The following TMEM184C variants were observed in gnomAD, a reference collection of about 807,000 sequenced individuals.
The protein encoded by TMEM184C is transmembrane protein 34.
In TMEM184C, 25 loss-of-function variants were observed where a neutral mutation model predicts 54.5. The observed-to-expected ratio is 0.46, with a 90% confidence interval of 0.33 to 0.64. The LOEUF (loss-of-function observed/expected upper bound fraction) is 0.64, where lower values mean the gene tolerates loss of function less well. TMEM184C is among the 30% of genes least tolerant of loss of function. The pLI is 0.02. For synonymous variants in TMEM184C, 148 were observed against 181.5 expected, an observed-to-expected ratio of 0.82 and a Z score of 1.49; for missense variants, 335 against 520.3, an observed-to-expected ratio of 0.64 and a Z score of 3.46.
In TMEM184C at chr4:147,634,547, G is replaced by A. The variant is rs1044434852; in HGVS notation, c.*113G>A. ...GATGGAAAATGTCAACACAAAAATA[G>A]CTGAAAGCCAGGTACAACTACTGCA... On this transcript the variant is annotated 3_prime_UTR_variant, in exon 10 of 10. Transcript: ENST00000296582. 45 of 1,265,500 alleles carry A rather than the reference G, an allele frequency of 3.6e-5. No homozygotes were observed. The highest frequency in any genetic ancestry group is 4.8e-5 in the Non-Finnish European group (44 of 921,880). 78.4% of individuals were successfully genotyped at this position (1,265,500 alleles called of 1,614,324 possible).
Position 147,635,761 on chromosome 4 carries a change from T to C in TMEM184C, c.*1327T>C, listed in dbSNP as rs1424091725. On this transcript the variant is annotated 3_prime_UTR_variant, in exon 10 of 10. Coordinates refer to ENST00000296582, the MANE Select transcript of TMEM184C (RefSeq NM_018241.3). Reference sequence around the variant, plus strand: ...CAAAGATACACACACAAAAAAAATCTGTTTGTTAGAACTCAAGTGAATTCA... The same window carrying C: ...CAAAGATACACACACAAAAAAAATCCGTTTGTTAGAACTCAAGTGAATTCA... 1 of 152,060 alleles carries C rather than the reference T, an allele frequency of 6.6e-6. No homozygotes were observed. The highest frequency in any genetic ancestry group is 1.9e-4 in the East Asian group (1 of 5,194). 9.4% of individuals were successfully genotyped at this position (152,060 alleles called of 1,614,324 possible). A position where few individuals can be genotyped will look rare whatever the true frequency, so the allele number is the denominator to read the frequency against.
chr4:147,627,173 A>C (rs1578859688), intron 4 of TMEM184C, among the ~76,000 whole-genome samples: 1 of 152,244 alleles, frequency 6.6e-6, no homozygotes, highest in South Asian at 2.1e-4. Context: ...GATGAAGCCA[A>C]GTTGAAAAGA....
chr4:147,629,763 TTTC>T (rs1463530591), intron 6 of TMEM184C, 71 bp downstream of exon 6: 9 of 1,075,480 alleles, frequency 8.4e-6, no homozygotes, highest in Admixed American at 2.9e-5. Flanking sequence ...TTAGACAAAG[TTTC>T]TTCTTAGGAT....
At chr4:147,625,197 T>G (rs1732790750) in intron 4 of TMEM184C, among the ~76,000 whole-genome samples, 188 bp downstream of exon 4, 1 of 152,246 alleles carries the variant, frequency 6.6e-6, no homozygotes, top group Admixed American at 6.5e-5. Flanking sequence ...CCCACATATA[T>G]GTTAGTCTTT....
Position 147,634,236 on chromosome 4 carries a change from A to C in TMEM184C, c.1119A>C (p.Thr373=). ...FPEDQDQNEH[T]SLLSSSSQDA... is the part of the protein sequence containing the mutation. ...AGGATCAAGATCAAAATGAACATACAAGTTTATTATCATCATCATCACAAG... is the reference window on the plus strand; with the variant it reads ...AGGATCAAGATCAAAATGAACATACCAGTTTATTATCATCATCATCACAAG... The change falls in exon 10 of 10, where the codon ACA becomes ACC. Residue 373 remains threonine (T), a synonymous_variant. Coordinates refer to ENST00000296582, the MANE Select transcript of TMEM184C (RefSeq NM_018241.3). 1 of 1,614,134 alleles carries C rather than the reference A, an allele frequency of 6.2e-7. No individual in the cohort carries two copies. The highest frequency in any genetic ancestry group is 8.5e-7 in the Non-Finnish European group (1 of 1,180,030).
In TMEM184C at chr4:147,624,670, T is replaced by G. The variant is rs10519909; in HGVS notation, c.292-134T>G. Reference sequence around the variant, plus strand: ...ATTGATAGCCCTCATAATGATAAATTTTAGAGAGTCCCATGTAAGTATATG... The same window carrying G: ...ATTGATAGCCCTCATAATGATAAATGTTAGAGAGTCCCATGTAAGTATATG... On this transcript the variant is annotated intron_variant, in intron 3 of 9. Transcript: ENST00000296582. The G allele has an allele frequency of 6.2e-3, 4,609 of 744,436 alleles. 185 individuals carry two copies. The Admixed American group carries it at 0.063, about 10-fold the overall frequency. 46.1% of individuals were successfully genotyped at this position (744,436 alleles called of 1,614,324 possible). A position where few individuals can be genotyped will look rare whatever the true frequency, so the allele number is the denominator to read the frequency against.
intron 4 of TMEM184C, among the ~76,000 whole-genome samples, chr4:147,626,130 T>C (rs1732811754): frequency 6.6e-6 from 1 of 152,124 alleles, no homozygotes. Context: ...CAAGCACTGA[T>C]CTTAGGAGCA....
Position 147,636,468 on chromosome 4 carries a change from C to G in TMEM184C, c.*2034C>G, listed in dbSNP as rs1733051582. 6.6e-6 allele frequency: 1 copy of G among 152,068 alleles called. No individual in the cohort carries two copies. Among genetic ancestry groups the G allele is most frequent in the African/African-American group, 2.4e-5 (1 of 41,432 alleles). The allele number at this position is 152,068 out of a possible 1,614,324, so 9.4% of individuals were successfully genotyped here. A position where few individuals can be genotyped will look rare whatever the true frequency, so the allele number is the denominator to read the frequency against. On this transcript the variant is annotated 3_prime_UTR_variant, in exon 10 of 10. Transcript: ENST00000296582. ...AAATCAGACCCTTATCTTAGACCTA[C>G]ACAACAATCAATTCAAAATGGATAA...
intron 4 of TMEM184C, 50 bp from the exon 5 acceptor site, chr4:147,628,311 G>T (rs1216824277): frequency 2.1e-6 from 3 of 1,439,852 alleles, no homozygotes; most frequent in Non-Finnish European, 2.9e-6. Flanking sequence ...GGGAAAATCT[G>T]ATGCTATTTA....
rs28676674 is a variant in TMEM184C, at chr4:147,634,796, G to A, written c.*362G>A. ...GGCTGGAGTGCAGTGGCGCAATCTC[G>A]GGTCACTGCAAGCTCTGCCTCCCAA... On this transcript the variant is annotated 3_prime_UTR_variant, in exon 10 of 10. Transcript: ENST00000296582. The A allele has an allele frequency of 0.035, 5,778 of 166,596 alleles. 365 individuals carry two copies. Among genetic ancestry groups the A allele is most frequent in the African/African-American group, 0.13 (5,449 of 41,498 alleles). The allele number at this position is 166,596 out of a possible 1,614,324, so 10.3% of individuals were successfully genotyped here. A position where few individuals can be genotyped will look rare whatever the true frequency, so the allele number is the denominator to read the frequency against.
intron 4 of TMEM184C, among the ~76,000 whole-genome samples, chr4:147,626,774 T>C (rs889861217): frequency 6.6e-6 from 1 of 152,144 alleles, no homozygotes; most frequent in Non-Finnish European, 1.5e-5. Flanking sequence ...GACACAAATA[T>C]ATAGTTAGTT....
At chr4:147,623,776 C>A in intron 1 of TMEM184C, 58 bp from the exon 2 acceptor site, 1 of 1,566,996 alleles carries the variant, frequency 6.4e-7, no homozygotes, top group Non-Finnish European at 8.7e-7. Context: ...CTGAGCCTGG[C>A]CAAGCTCTTT....
rs188072776 is a variant in TMEM184C at position 147,627,818 on chromosome 4, G to A, written c.498-543G>A. Among the ~76,000 whole-genome samples the A allele has an allele frequency of 5.5e-3, 829 of 151,532 alleles. 2 individuals carry two copies. The highest frequency in any genetic ancestry group is 0.02 in the Middle Eastern group (6 of 294). On this transcript the variant is annotated intron_variant, in intron 4 of 9. Coordinates refer to ENST00000296582, the MANE Select transcript of TMEM184C (RefSeq NM_018241.3). ...AGGCTGAGGTGGGAGGATCACTTGA[G>A]CCCAGGAGGTCAAGAGTAGCCTGGG...
intron 4 of TMEM184C, among the ~76,000 whole-genome samples, chr4:147,626,940 G>C (rs984156317): frequency 6.6e-6 from 1 of 152,194 alleles, no homozygotes; most frequent in East Asian, 1.9e-4. Flanking sequence ...TGTTGAGGGG[G>C]TCAGCGAATG....
chr4:147,631,568 G>A, intron 7 of TMEM184C, 63 bp downstream of exon 7: 1 of 1,241,836 alleles, frequency 8.1e-7, no homozygotes, highest in South Asian at 1.3e-5. Flanking sequence ...CGTTGATTAA[G>A]GAGGATTTTT....
chr4:147,635,694 A>C lies in TMEM184C; in HGVS notation c.*1260A>C, dbSNP rs1444134596. On this transcript the variant is annotated 3_prime_UTR_variant, in exon 10 of 10. Transcript: ENST00000296582. The stretch of plus-strand genomic sequence containing the variant: ...GTCTTTATTCCATCCACTATTATAA[A>C]CATTTCTATTAAAACTAAAACTGGG... 1.3e-5 allele frequency: 2 copies of C among 152,130 alleles called. No individual in the cohort carries two copies. Among genetic ancestry groups the C allele is most frequent in the Non-Finnish European group, 2.9e-5 (2 of 68,000 alleles). The allele number at this position is 152,130 out of a possible 1,614,324, so 9.4% of individuals were successfully genotyped here. A position where few individuals can be genotyped will look rare whatever the true frequency, so the allele number is the denominator to read the frequency against.
intron 6 of TMEM184C, among the ~76,000 whole-genome samples, chr4:147,630,006 T>TAA (rs1254155541): frequency 7.0e-6 from 1 of 143,756 alleles, no homozygotes. Context: ...CAGTGCTACA[T>TAA]AAAAAAAAAA....
rs776462110 is a variant in TMEM184C, at chr4:147,623,869, A to C, written c.159A>C (p.Gly53=). The C allele has an allele frequency of 8.1e-6, 13 of 1,613,840 alleles. No homozygotes were observed. The highest frequency in any genetic ancestry group is 1.3e-5 in the African/African-American group (1 of 74,896). ...ACACCAAGGCTTGGTTTATTGCTGG[A>C]ATCTTTTTGCTGTTGACTATTCCTA... is the stretch of plus-strand genomic sequence containing the variant. ...GIHTKAWFIA[G]IFLLLTIPIS... Residue 53 remains glycine, a synonymous_variant, in exon 2 of 10, where the codon GGA becomes GGC. Coordinates refer to ENST00000296582, the MANE Select transcript of TMEM184C (RefSeq NM_018241.3).
At chr4:147,624,180 G>C (rs1312120901) in intron 3 of TMEM184C, 82 bp downstream of exon 3, 4 of 1,222,732 alleles carry the variant, frequency 3.3e-6, no homozygotes, top group Admixed American at 2.4e-5. Context: ...GATAATGAAA[G>C]TATGTTATTG....
Sources: gnomAD v4.1 joint callset for allele counts (sites outside exome capture counted in the v4.1 genomes callset) on GRCh38, gnomAD v4.1.1 for gene constraint, MANE v1.5 for transcripts, NCBI Gene and HGNC (gene_info 2026-07-23, HGNC 2026-07-21) for gene names.